The following KAZN variants were observed in gnomAD, a reference collection of about 807,000 sequenced individuals.
The protein encoded by KAZN is kazrin, periplakin interacting protein.
In KAZN, 40 loss-of-function variants were observed where a neutral mutation model predicts 87.4. The observed-to-expected ratio is 0.46, with a 90% CI of 0.36 to 0.60. KAZN has a LOEUF of 0.60. Ranked by LOEUF, KAZN falls within the 20% of genes least tolerant of loss-of-function variation. The pLI, the probability that KAZN is intolerant of heterozygous loss-of-function variation, is 0.00. For synonymous variants in KAZN, 466 were observed against 458.3 expected, an observed-to-expected ratio of 1.02 and a Z score of -0.22; for missense variants, 898 against 1,073.9, an observed-to-expected ratio of 0.84 and a Z score of 2.29.
intron 2 of KAZN, among the ~76,000 whole-genome samples, chr1:14,541,032 G>C (rs1271675650): frequency 1.3e-5 from 2 of 152,158 alleles, no homozygotes; most frequent in Non-Finnish European, 2.9e-5. Flanking sequence ...AGTTTCTAAG[G>C]AGTGGGCAAC....
intron 2 of KAZN, among the ~76,000 whole-genome samples, chr1:14,967,191 G>A (rs1055215047): frequency 2.6e-5 from 4 of 152,058 alleles, no homozygotes; most frequent in Admixed American, 1.3e-4. Context: ...CCCCATTTTC[G>A]TTTCCCTCCC....
At chr1:14,954,109 C>T (rs1662806010) in intron 1 of KAZN, among the ~76,000 whole-genome samples, 1 of 152,182 alleles carries the variant, frequency 6.6e-6, no homozygotes, top group Non-Finnish European at 1.5e-5. Flanking sequence ...CCCTGGGGAC[C>T]TGCTGCATGG....
chr1:15,093,014 A>G (rs1335609123), intron 8 of KAZN, among the ~76,000 whole-genome samples: 1 of 151,988 alleles, frequency 6.6e-6, no homozygotes, highest in African/African-American at 2.4e-5. Flanking sequence ...CTACGAAAAT[A>G]AATCACCCAG....
intron 2 of KAZN, among the ~76,000 whole-genome samples, chr1:14,415,561 G>A (rs1471186777): frequency 6.6e-6 from 1 of 152,140 alleles, no homozygotes; most frequent in African/African-American, 2.4e-5. Context: ...GCTGCCCCCA[G>A]GTGGTAGACC....
intron 1 of KAZN, among the ~76,000 whole-genome samples, chr1:14,753,240 T>C (rs1018941537): frequency 2.6e-5 from 4 of 152,142 alleles, no homozygotes; most frequent in Non-Finnish European, 5.9e-5. Flanking sequence ...TTTATTTTTC[T>C]TTCAATAGGT....
rs1642115754 is a variant in KAZN, at chr1:13,970,971, A to T, written c.91+77215A>T. Among the ~76,000 whole-genome samples the T allele has an allele frequency of 3.3e-5, 5 of 152,222 alleles. 1 individual carries two copies. In the South Asian group the frequency reaches 1.0e-3, roughly 32 times the overall value. On this transcript the variant is annotated intron_variant, in intron 1 of 16. Transcript: ENST00000636203. ...AAAATGAGAGTGACATATGTTGTGT[A>T]TCAATTATTTACTGCCCCAAACCAC... is the stretch of plus-strand genomic sequence containing the variant.
chr1:14,629,423 C>T (rs960635846), intron 1 of KAZN, among the ~76,000 whole-genome samples: 1 of 152,170 alleles, frequency 6.6e-6, no homozygotes, highest in Non-Finnish European at 1.5e-5. Context: ...TTTGTTGCAA[C>T]GAACAGAAAC....
intron 2 of KAZN, among the ~76,000 whole-genome samples, chr1:14,517,821 G>A (rs1208062519): frequency 1.3e-5 from 2 of 152,176 alleles, no homozygotes; most frequent in Non-Finnish European, 2.9e-5. Flanking sequence ...TTTTTCAACA[G>A]CAGTGAAGTG....
chr1:14,976,059 G>T (rs183792465), intron 2 of KAZN, among the ~76,000 whole-genome samples: 2 of 143,610 alleles, frequency 1.4e-5, no homozygotes, highest in East Asian at 4.1e-4. Flanking sequence ...AAAAAGCAAA[G>T]AAAGTACACT....
chr1:14,037,466 T>A (rs1450646575), intron 1 of KAZN, among the ~76,000 whole-genome samples: 1 of 152,210 alleles, frequency 6.6e-6, no homozygotes, highest in Non-Finnish European at 1.5e-5. Flanking sequence ...TTCCTTTCTG[T>A]TGATTCTGTC....
At chr1:15,013,717 G>A (rs60532440) in intron 2 of KAZN, among the ~76,000 whole-genome samples, 23 of 151,686 alleles carry the variant, frequency 1.5e-4, no homozygotes, top group African/African-American at 5.3e-4. Context: ...TCGCACCATT[G>A]CACTCCAACC....
chr1:14,407,303 A>G (rs1181721355), intron 2 of KAZN, among the ~76,000 whole-genome samples: 2 of 152,198 alleles, frequency 1.3e-5, no homozygotes, highest in Non-Finnish European at 2.9e-5. Context: ...ATTTAATTTT[A>G]TAAGATTGAG....
In KAZN at chr1:14,057,496, G is replaced by C. The variant is rs373135299; in HGVS notation, c.92-122939G>C. On this transcript the variant is annotated intron_variant, in intron 1 of 16. Coordinates refer to the KAZN transcript ENST00000636203. ...TTTCATTTGAGGATGTTTAGAATGT[G>C]GTCAAGGTCATGGCCTCACTTCATA... Among the ~76,000 whole-genome samples the C allele has an allele frequency of 3.9e-5, 6 of 152,294 alleles. No homozygotes were observed. The East Asian group carries it at 1.2e-3, about 29-fold the overall frequency.
chr1:14,989,193 CA>C (rs1667113791), intron 2 of KAZN, among the ~76,000 whole-genome samples: 1 of 152,120 alleles, frequency 6.6e-6, no homozygotes, highest in African/African-American at 2.4e-5. Context: ...TAGAAAATGG[CA>C]GCTGGGCACG....
chr1:14,508,863 T>G (rs1452605196), intron 2 of KAZN, among the ~76,000 whole-genome samples: 1 of 152,156 alleles, frequency 6.6e-6, no homozygotes, highest in Admixed American at 6.5e-5. Flanking sequence ...CAGAACCCGA[T>G]CAGACAGGAA....
At chr1:14,388,386 C>A (rs192767741) in intron 2 of KAZN, among the ~76,000 whole-genome samples, 1 of 152,162 alleles carries the variant, frequency 6.6e-6, no homozygotes, top group South Asian at 2.1e-4. Context: ...ACAAAAGACC[C>A]TGAATAGCCA....
intron 2 of KAZN, among the ~76,000 whole-genome samples, chr1:14,347,826 T>C (rs1004114980): frequency 1.4e-4 from 22 of 152,086 alleles, no homozygotes; most frequent in African/African-American, 5.3e-4. Context: ...TGATTATCTG[T>C]GTCTCCTGAA....
chr1:14,350,228 CCT>C (rs893899419), intron 2 of KAZN, among the ~76,000 whole-genome samples: 3 of 152,010 alleles, frequency 2.0e-5, no homozygotes, highest in African/African-American at 7.3e-5. Context: ...CTATCTGACC[CCT>C]GAGTCCACTT....
intron 1 of KAZN, among the ~76,000 whole-genome samples, chr1:14,720,914 A>T (rs761550460): frequency 4.0e-4 from 61 of 152,012 alleles, no homozygotes; most frequent in Non-Finnish European, 1.2e-4. Context: ...CTGCCTCCCC[A>T]GTGAGTGTGG....
Sources: allele counts gnomAD v4.1 joint callset (sites outside exome capture counted in the v4.1 genomes callset), GRCh38; gene constraint gnomAD v4.1.1; transcripts MANE v1.5; gene names NCBI Gene and HGNC (gene_info 2026-07-23, HGNC 2026-07-21).